The following CCSER1 variants were observed in gnomAD, a reference collection of about 807,000 sequenced individuals.
The protein encoded by CCSER1 is coiled-coil serine rich protein 1.
In CCSER1, 41 loss-of-function variants were observed where a neutral mutation model predicts 82.0. The ratio of observed to expected loss-of-function variants is 0.50; its 90% CI spans 0.39 to 0.65. CCSER1 has a LOEUF of 0.65. Ranked by LOEUF, CCSER1 falls within the 30% of genes least tolerant of loss-of-function variation. The pLI is 0.00. For missense variants in CCSER1, 1,119 were observed against 1,064.2 expected, an observed-to-expected ratio of 1.05 and a Z score of -0.72; for synonymous variants, 414 against 383.9, an observed-to-expected ratio of 1.08 and a Z score of -0.92.
chr4:91,076,894 G>A (rs1722057272), intron 9 of CCSER1, among the ~76,000 whole-genome samples: 1 of 152,162 alleles, frequency 6.6e-6, no homozygotes, highest in Non-Finnish European at 1.5e-5. Context: ...GAGAAGATAA[G>A]ATCTGAGTTT....
At chr4:90,247,117 C>A (rs564465876) in intron 1 of CCSER1, among the ~76,000 whole-genome samples, 1 of 152,258 alleles carries the variant, frequency 6.6e-6, no homozygotes, top group South Asian at 2.1e-4. Context: ...AAGCAGGATA[C>A]TGTGAGATTT....
intron 10 of CCSER1, among the ~76,000 whole-genome samples, chr4:91,124,967 G>A (rs995282298): frequency 6.6e-6 from 1 of 151,620 alleles, no homozygotes; most frequent in East Asian, 1.9e-4. Context: ...TTCCCTACAT[G>A]TTACTTGTGT....
At chr4:91,482,659 G>A (rs1758001219) in intron 10 of CCSER1, among the ~76,000 whole-genome samples, 1 of 151,908 alleles carries the variant, frequency 6.6e-6, no homozygotes, top group African/African-American at 2.4e-5. Context: ...ATATATTGTG[G>A]CACTATTCAC....
chr4:90,265,388 AAAGT>A (rs1168269813), intron 1 of CCSER1, among the ~76,000 whole-genome samples: 1 of 151,892 alleles, frequency 6.6e-6, no homozygotes, highest in Non-Finnish European at 1.5e-5. Context: ...AGGTATTAAA[AAAGT>A]AAAGTAAAAT....
intron 8 of CCSER1, among the ~76,000 whole-genome samples, chr4:90,890,618 T>C (rs1722823355): frequency 6.6e-6 from 1 of 152,116 alleles, no homozygotes; most frequent in Non-Finnish European, 1.5e-5. Context: ...AAATGAGATT[T>C]CCCTTTCTCC....
intron 9 of CCSER1, among the ~76,000 whole-genome samples, chr4:90,934,804 G>A (rs920056232): frequency 7.2e-5 from 11 of 152,074 alleles, no homozygotes; most frequent in African/African-American, 2.4e-4. Context: ...GGTGGCACAT[G>A]CCTGTAATCC....
intron 10 of CCSER1, among the ~76,000 whole-genome samples, chr4:91,545,293 C>T (rs1272390941): frequency 6.6e-6 from 1 of 152,034 alleles, no homozygotes; most frequent in Admixed American, 6.6e-5. Flanking sequence ...GGTGATGCCC[C>T]GCCCTGCTTC....
intron 1 of CCSER1, among the ~76,000 whole-genome samples, chr4:90,140,767 G>A (rs988475245): frequency 1.3e-5 from 2 of 149,232 alleles, no homozygotes; most frequent in Admixed American, 1.4e-4. Flanking sequence ...CTGGTTCAAG[G>A]GATTCTCCTG....
intron 10 of CCSER1, among the ~76,000 whole-genome samples, chr4:91,227,472 A>G (rs1560529993): frequency 6.6e-6 from 1 of 151,768 alleles, no homozygotes; most frequent in Non-Finnish European, 1.5e-5. Context: ...GTGTATGAAG[A>G]CAAAACTATT....
chr4:90,599,033 G>T (rs1783717541), intron 5 of CCSER1, among the ~76,000 whole-genome samples: 1 of 152,160 alleles, frequency 6.6e-6, no homozygotes, highest in Non-Finnish European at 1.5e-5. Flanking sequence ...CTTGGGTCAT[G>T]GGGTTCAGGG....
intron 4 of CCSER1, among the ~76,000 whole-genome samples, chr4:90,412,271 C>G (rs925037205): frequency 1.5e-5 from 2 of 133,046 alleles, no homozygotes; most frequent in African/African-American, 5.8e-5. Flanking sequence ...ACAATGAGAA[C>G]ACATGGACAC....
At chr4:90,551,590 G>T (rs1040374073) in intron 5 of CCSER1, among the ~76,000 whole-genome samples, 3 of 151,388 alleles carry the variant, frequency 2.0e-5, no homozygotes, top group Non-Finnish European at 4.4e-5. Context: ...AATACAATGG[G>T]TGGACCTCAA....
chr4:90,345,355 T>C (rs1742140473), intron 3 of CCSER1, among the ~76,000 whole-genome samples: 1 of 152,038 alleles, frequency 6.6e-6, no homozygotes, highest in African/African-American at 2.4e-5. Flanking sequence ...AATTGAAAAA[T>C]TTTAAGAAAA....
chr4:91,440,971 A>G (rs1483040927), intron 10 of CCSER1, among the ~76,000 whole-genome samples: 2 of 151,964 alleles, frequency 1.3e-5, no homozygotes, highest in Non-Finnish European at 2.9e-5. Context: ...AATTGTGGCA[A>G]TAATCAATAG....
intron 10 of CCSER1, among the ~76,000 whole-genome samples, chr4:91,100,190 T>TA (rs77422105): frequency 0.051 from 7,570 of 149,752 alleles, 568 homozygotes; most frequent in African/African-American, 0.16. Context: ...TTGGGCAAGA[T>TA]AAAAAAAAAA....
intron 8 of CCSER1, among the ~76,000 whole-genome samples, chr4:90,859,975 A>G (rs1386524567): frequency 6.6e-6 from 1 of 151,680 alleles, no homozygotes; most frequent in Non-Finnish European, 1.5e-5. Context: ...AATTTGAACA[A>G]TAAGTACTAG....
chr4:90,386,685 ACAAT>A (rs1283252713), intron 3 of CCSER1, among the ~76,000 whole-genome samples: 2 of 152,258 alleles, frequency 1.3e-5, no homozygotes, highest in African/African-American at 4.8e-5. Flanking sequence ...AACAAAAGAA[ACAAT>A]CAATGGAGTA....
chr4:90,907,642 C>T (rs1725699892), intron 8 of CCSER1, among the ~76,000 whole-genome samples: 3 of 152,000 alleles, frequency 2.0e-5, no homozygotes, highest in African/African-American at 7.2e-5. Context: ...TGAAAGTAAA[C>T]ATTTGTCATG....
intron 9 of CCSER1, among the ~76,000 whole-genome samples, chr4:90,961,889 T>G (rs1345047489): frequency 6.6e-6 from 1 of 152,016 alleles, no homozygotes; most frequent in Non-Finnish European, 1.5e-5. Context: ...TGGATTGACC[T>G]TTTTCTCATT....
Sources: allele counts gnomAD v4.1 joint callset (sites outside exome capture counted in the v4.1 genomes callset), GRCh38; gene constraint gnomAD v4.1.1; transcripts MANE v1.5; gene names NCBI Gene and HGNC (gene_info 2026-07-23, HGNC 2026-07-21).